The following GRIK2 variants were observed in gnomAD, a reference collection of about 807,000 sequenced individuals.
GRIK2 encodes glutamate ionotropic receptor kainate type subunit 2, also known as glutamate receptor ionotropic, kainate 2.
GRIK2 carries 32 observed loss-of-function variants against 100.3 expected under a neutral mutation model. That is an observed-to-expected ratio of 0.32 (90% CI 0.24 to 0.43). The LOEUF is 0.43. GRIK2 is among the 20% of genes least tolerant of loss of function. The pLI is 1.00. For synonymous variants in GRIK2, 417 were observed against 389.4 expected, an observed-to-expected ratio of 1.07 and a Z score of -0.83; for missense variants, 843 against 1,114.9, an observed-to-expected ratio of 0.76 and a Z score of 3.47.
At chr6:101,421,012 G>A (rs529644197) in intron 2 of GRIK2, among the ~76,000 whole-genome samples, 2 of 152,256 alleles carry the variant, frequency 1.3e-5, no homozygotes, top group Admixed American at 1.3e-4. Context: ...ACACAGCACT[G>A]TCAAACCCTA....
chr6:101,657,287 G>A, intron 4 of GRIK2, among the ~76,000 whole-genome samples: 1 of 152,210 alleles, frequency 6.6e-6, no homozygotes, highest in Non-Finnish European at 1.5e-5. Context: ...ATTTTTACAA[G>A]GGGCTCTTCC....
chr6:101,879,280 C>T (rs2128452481), intron 11 of GRIK2, among the ~76,000 whole-genome samples: 1 of 152,134 alleles, frequency 6.6e-6, no homozygotes, highest in African/African-American at 2.4e-5. Flanking sequence ...ACCTATTTCC[C>T]ATTGCTGTTT....
chr6:101,856,842 A>G (rs944562494), intron 10 of GRIK2, among the ~76,000 whole-genome samples: 6 of 152,214 alleles, frequency 3.9e-5, no homozygotes, highest in Non-Finnish European at 5.9e-5. Flanking sequence ...AATGAGGGAA[A>G]TAATTTGGTA....
chr6:102,043,207 G>C (rs1770688988), intron 15 of GRIK2, among the ~76,000 whole-genome samples: 1 of 151,670 alleles, frequency 6.6e-6, no homozygotes, highest in African/African-American at 2.4e-5. Context: ...ACGTAAAAGT[G>C]ACATTGTGAT....
At chr6:101,928,379 C>G in intron 13 of GRIK2, 36 bp from the exon 14 acceptor site, 1 of 1,033,446 alleles carries the variant, frequency 9.7e-7, no homozygotes, top group Non-Finnish European at 1.5e-6. Context: ...ATCAAATTCT[C>G]TATATTCGTT....
chr6:102,048,649 A>G (rs1771022169), intron 15 of GRIK2, among the ~76,000 whole-genome samples: 1 of 152,144 alleles, frequency 6.6e-6, no homozygotes, highest in Non-Finnish European at 1.5e-5. Context: ...CCACAGTGAC[A>G]TATCACCTCA....
intron 7 of GRIK2, among the ~76,000 whole-genome samples, chr6:101,795,503 T>A (rs1483435069): frequency 6.6e-6 from 1 of 152,166 alleles, no homozygotes; most frequent in Non-Finnish European, 1.5e-5. Flanking sequence ...GTGGGCCAAT[T>A]GTTGGGCCTC....
At chr6:101,489,224 T>TA (rs1335438309) in intron 2 of GRIK2, among the ~76,000 whole-genome samples, 1 of 146,036 alleles carries the variant, frequency 6.8e-6, no homozygotes. Flanking sequence ...ATTCTGTGAG[T>TA]AAAAATTGTG....
intron 2 of GRIK2, among the ~76,000 whole-genome samples, chr6:101,492,440 A>G (rs1773171970): frequency 6.6e-6 from 1 of 151,732 alleles, no homozygotes; most frequent in African/African-American, 2.4e-5. Flanking sequence ...CCTCAAACCC[A>G]TTTCTCTCTC....
chr6:102,020,380 T>C (rs1389229342), intron 14 of GRIK2, among the ~76,000 whole-genome samples: 1 of 151,894 alleles, frequency 6.6e-6, no homozygotes, highest in African/African-American at 2.4e-5. Flanking sequence ...GAATACATCA[T>C]GGGCAAGTAG....
intron 14 of GRIK2, among the ~76,000 whole-genome samples, chr6:101,988,140 C>T (rs879858725): frequency 0.11 from 1,481 of 13,194 alleles, 13 homozygotes; most frequent in African/African-American, 0.15. Context: ...TGTGCGCGCG[C>T]GCGCGCGCGC....
intron 2 of GRIK2, among the ~76,000 whole-genome samples, chr6:101,579,883 AC>A (rs1365939754): frequency 6.6e-6 from 1 of 150,690 alleles, no homozygotes; most frequent in Non-Finnish European, 1.5e-5. Context: ...TGCATTTGAT[AC>A]CCTTTCTTCT....
intron 10 of GRIK2, among the ~76,000 whole-genome samples, chr6:101,828,560 C>T (rs1782480310): frequency 1.3e-5 from 2 of 151,754 alleles, no homozygotes; most frequent in African/African-American, 4.8e-5. Context: ...GAAGATCCAA[C>T]TAAGCACAAC....
At chr6:101,867,790 C>CAAAAAAT (rs1785149166) in intron 11 of GRIK2, among the ~76,000 whole-genome samples, 1 of 149,042 alleles carries the variant, frequency 6.7e-6, no homozygotes, top group Admixed American at 6.7e-5. Context: ...TTTTTTTTTG[C>CAAAAAAT]TGTGATGTAT....
In GRIK2 at chr6:101,574,552, A is replaced by C. The variant is rs1012940555; in HGVS notation, c.116-47397A>C. On this transcript the variant is annotated intron_variant, in intron 2 of 16. Transcript: ENST00000369134. ...ACAATAAAATATACCATGGCAAAAA[A>C]ATTGACGAATTGTAATGCCCAGTTT... is the stretch of plus-strand genomic sequence containing the variant. 2.0e-5 allele frequency among the ~76,000 whole-genome samples: 3 copies of C among 151,396 alleles called. 1 individual carries two copies. The highest frequency in any genetic ancestry group is 7.3e-5 in the African/African-American group (3 of 41,368).
At chr6:101,973,593 T>C (rs1165283814) in intron 14 of GRIK2, among the ~76,000 whole-genome samples, 1 of 151,962 alleles carries the variant, frequency 6.6e-6, no homozygotes, top group East Asian at 1.9e-4. Context: ...ATGTTTACTT[T>C]TAGATCTTGT....
At chr6:101,526,676 A>G (rs998053246) in intron 2 of GRIK2, among the ~76,000 whole-genome samples, 1 of 152,200 alleles carries the variant, frequency 6.6e-6, no homozygotes, top group Non-Finnish European at 1.5e-5. Context: ...CTTACCATAC[A>G]GAGGGAAAGA....
chr6:101,499,412 T>C (rs576652443), intron 2 of GRIK2, among the ~76,000 whole-genome samples: 25 of 152,270 alleles, frequency 1.6e-4, no homozygotes, highest in African/African-American at 5.8e-4. Flanking sequence ...TGTCATAACA[T>C]AAGGCTTTAT....
At chr6:101,630,974 C>T (rs142262731) in intron 4 of GRIK2, among the ~76,000 whole-genome samples, 1 of 151,890 alleles carries the variant, frequency 6.6e-6, no homozygotes, top group East Asian at 1.9e-4. Flanking sequence ...TACTTTCATC[C>T]AGTCTTTGTT....
Sources: allele counts gnomAD v4.1 joint callset (sites outside exome capture counted in the v4.1 genomes callset), GRCh38; gene constraint gnomAD v4.1.1; transcripts MANE v1.5; gene names NCBI Gene and HGNC (gene_info 2026-07-23, HGNC 2026-07-21).